Variants in CPS1 observed in about 807,000 individuals in gnomAD.
The protein encoded by CPS1 is carbamoyl-phosphate synthase 1, also known as carbamoyl-phosphate synthase [ammonia], mitochondrial.
In CPS1, 109 loss-of-function variants were observed where a neutral mutation model predicts 174.6. The observed-to-expected ratio is 0.62, with a 90% CI of 0.53 to 0.73. CPS1 has a LOEUF of 0.73. Ranked by LOEUF, CPS1 falls within the 30% of genes least tolerant of loss-of-function variation. CPS1 has a pLI of 0.00. For missense variants in CPS1, 1,689 were observed against 1,821.9 expected (o/e 0.93, Z 1.33); for synonymous variants, 637 against 632.0 (o/e 1.01, Z -0.12).
chr2:210,518,504 G>T (rs1203331979), intron 1 of CPS1, among the ~76,000 whole-genome samples: 2 of 151,956 alleles, frequency 1.3e-5, no homozygotes, highest in Admixed American at 1.3e-4. Context: ...GTCTCCAAAG[G>T]GAATGGCTTG....
intron 31 of CPS1, among the ~76,000 whole-genome samples, chr2:210,659,816 T>C (rs1490471412): frequency 6.6e-6 from 1 of 152,188 alleles, no homozygotes; most frequent in African/African-American, 2.4e-5. Context: ...GAGAACGTAT[T>C]TGCCAGTGTG....
At chr2:210,674,680 A>AG (rs1701461255) in intron 34 of CPS1, 1 of 574,626 alleles carries the variant, frequency 1.7e-6, no homozygotes, top group Non-Finnish European at 3.1e-6. Flanking sequence ...CAAGGTGAAA[A>AG]GCAGGGATCA....
At chr2:210,660,460 C>A in intron 31 of CPS1, 25 bp from the exon 32 acceptor site, 1 of 1,612,266 alleles carries the variant, frequency 6.2e-7, no homozygotes, top group South Asian at 1.1e-5. Flanking sequence ...TGTCCTCTTT[C>A]TCATTTTGAA....
chr2:210,663,345 T>C (rs929527918), intron 33 of CPS1, 148 bp downstream of exon 33: 8 of 758,900 alleles, frequency 1.1e-5, no homozygotes, highest in African/African-American at 1.8e-5. Flanking sequence ...ATTTAAAAAA[T>C]ATTTTACTTC....
intron 1 of CPS1, among the ~76,000 whole-genome samples, chr2:210,514,530 A>G (rs1588365): frequency 0.62 from 93,409 of 151,648 alleles, 29,163 homozygotes; most frequent in South Asian, 0.68. Context: ...CATTGATTTT[A>G]TATTGTGAAA....
chr2:210,600,498 TA>T, intron 14 of CPS1, 56 bp from the exon 15 acceptor site: 1 of 1,572,600 alleles, frequency 6.4e-7, no homozygotes, highest in Non-Finnish European at 8.7e-7. Context: ...AGTTGTCTAT[TA>T]AAAAAGGCAC....
chr2:210,634,357 G>A (rs1358095726), intron 21 of CPS1, among the ~76,000 whole-genome samples: 2 of 152,212 alleles, frequency 1.3e-5, no homozygotes, highest in African/African-American at 4.8e-5. Flanking sequence ...GTGAGCCCGG[G>A]AGGCGGAGCT....
At chr2:210,594,099 A>G (rs148363765) in intron 11 of CPS1, among the ~76,000 whole-genome samples, 189 of 151,948 alleles carry the variant, frequency 1.2e-3, no homozygotes, top group African/African-American at 4.3e-3. Context: ...ATCTTCAGAA[A>G]CTGTTTTTTA....
chr2:210,482,123 C>G (rs1694585583), intron 1 of CPS1, among the ~76,000 whole-genome samples: 1 of 152,180 alleles, frequency 6.6e-6, no homozygotes, highest in Non-Finnish European at 1.5e-5. Context: ...AGGGACAGGA[C>G]TTGGCATTCA....
chr2:210,532,761 A>T lies in CPS1; in HGVS notation c.4-23958A>T, dbSNP rs1488356484. The stretch of plus-strand genomic sequence containing the variant: ...CCAGTGAGTTTAATGCCAATAAAAC[A>T]GTTCCTATTCAGGGTGCCTTATATC... On this transcript the variant is annotated intron_variant, in intron 1 of 38. Transcript: ENST00000430249. Among the ~76,000 whole-genome samples, 4 of 152,294 alleles carry T rather than the reference A, an allele frequency of 2.6e-5. No individual in the cohort carries two copies. The East Asian group carries it at 5.8e-4, about 22-fold the overall frequency.
intron 2 of CPS1, among the ~76,000 whole-genome samples, chr2:210,575,116 C>T (rs1055085932): frequency 3.3e-5 from 5 of 151,994 alleles, no homozygotes; most frequent in South Asian, 2.1e-4. Flanking sequence ...ATGGAAGCTG[C>T]GGAAAAACAC....
intron 1 of CPS1, among the ~76,000 whole-genome samples, chr2:210,560,032 G>A (rs1213974090): frequency 6.6e-6 from 1 of 151,994 alleles, no homozygotes; most frequent in Non-Finnish European, 1.5e-5. Context: ...CAATGACAAG[G>A]TATTTGATAA....
chr2:210,586,232 AAG>A (rs1698102928), intron 6 of CPS1, among the ~76,000 whole-genome samples: 2 of 152,096 alleles, frequency 1.3e-5, no homozygotes, highest in East Asian at 3.9e-4. Context: ...AAACATGCTG[AAG>A]CCTAAGAAGT....
intron 7 of CPS1, 57 bp downstream of exon 7, chr2:210,588,204 A>G: frequency 8.3e-6 from 12 of 1,442,718 alleles, no homozygotes; most frequent in Non-Finnish European, 1.1e-5. Context: ...ATTAGTGTTC[A>G]GCTAATTTCC....
At chr2:210,620,783 C>G (rs1378624866) in intron 21 of CPS1, among the ~76,000 whole-genome samples, 1 of 151,994 alleles carries the variant, frequency 6.6e-6, no homozygotes, top group Non-Finnish European at 1.5e-5. Flanking sequence ...GAAATCTGCT[C>G]CCATTATCCA....
intron 7 of CPS1, 62 bp from the exon 8 acceptor site, chr2:210,590,044 A>T (rs1408183757): frequency 6.2e-7 from 1 of 1,604,036 alleles, no homozygotes; most frequent in East Asian, 2.2e-5. Flanking sequence ...AAAGTCTAGC[A>T]AAATTATACT....
At chr2:210,676,928 A>G in intron 36 of CPS1, 79 bp from the exon 37 acceptor site, 1 of 1,428,514 alleles carries the variant, frequency 7.0e-7, no homozygotes, top group Non-Finnish European at 9.9e-7. Flanking sequence ...AATGGCTAAG[A>G]GAGCAATTTA....
chr2:210,638,275 A>C (rs1271812517), intron 22 of CPS1, among the ~76,000 whole-genome samples: 1 of 152,160 alleles, frequency 6.6e-6, no homozygotes, highest in Non-Finnish European at 1.5e-5. Flanking sequence ...AATACTTTAT[A>C]TTAAGTGCCC....
rs540325813 is a variant in CPS1 at position 210,544,461 on chromosome 2, A to G, written c.4-12258A>G. 2.0e-5 allele frequency among the ~76,000 whole-genome samples: 3 copies of G among 152,116 alleles called. No homozygotes were observed. In the South Asian group the frequency reaches 6.2e-4, roughly 32 times the overall value. On this transcript the variant is annotated intron_variant, in intron 1 of 38. Coordinates refer to the CPS1 transcript ENST00000430249. ...ACCTCAGCTCTGAGGCTTCTAGTTG[A>G]CCTGTACAAACATGTAGCTGTTTTC...
Sources: gnomAD v4.1 joint callset for allele counts (sites outside exome capture counted in the v4.1 genomes callset) on GRCh38, gnomAD v4.1.1 for gene constraint, MANE v1.5 for transcripts, NCBI Gene and HGNC (gene_info 2026-07-23, HGNC 2026-07-21) for gene names.